The following LARGE1 variants were observed in gnomAD, a reference collection of about 807,000 sequenced individuals.
The protein encoded by LARGE1 is LARGE xylosyl- and glucuronyltransferase 1.
LARGE1 carries 43 observed loss-of-function variants against 87.6 expected under a neutral mutation model. The observed-to-expected ratio is 0.49, with a 90% CI of 0.38 to 0.63. The LOEUF is 0.63. Among genes scored for constraint, LARGE1 ranks in the 30% least tolerant of loss-of-function variants. The pLI, the probability that LARGE1 is intolerant of heterozygous loss-of-function variation, is 0.00. For missense variants in LARGE1, 802 were observed against 1,000.2 expected (o/e 0.80, Z 2.67); for synonymous variants, 434 against 394.6 (o/e 1.10, Z -1.18).
At chr22:33,626,699 C>G (rs2079933344) in intron 3 of LARGE1, among the ~76,000 whole-genome samples, 1 of 152,174 alleles carries the variant, frequency 6.6e-6, no homozygotes, top group Non-Finnish European at 1.5e-5. Flanking sequence ...AATCAGGGAT[C>G]TCAGACTAAG....
At chr22:33,272,004 C>T (rs906304897), downstream of LARGE1, among the ~76,000 whole-genome samples, 12 of 152,204 alleles carry the variant, frequency 7.9e-5, no homozygotes, top group African/African-American at 2.9e-4. Flanking sequence ...ACCTTTCATT[C>T]TCAGAAGTGA....
At chr22:33,393,339 A>T (rs2065599100) in intron 7 of LARGE1, among the ~76,000 whole-genome samples, 2 of 152,250 alleles carry the variant, frequency 1.3e-5, no homozygotes, top group South Asian at 4.1e-4. Flanking sequence ...GAAGTAGTAC[A>T]TAAAAGCTTA....
At chr22:33,687,128 C>A (rs1002879772) in intron 2 of LARGE1, among the ~76,000 whole-genome samples, 1 of 151,850 alleles carries the variant, frequency 6.6e-6, no homozygotes, top group African/African-American at 2.4e-5. Flanking sequence ...TGCTTGGCTT[C>A]CTGCTCCAAG....
intron 6 of LARGE1, among the ~76,000 whole-genome samples, chr22:33,476,032 A>T (rs1160226316): frequency 6.6e-6 from 1 of 152,236 alleles, no homozygotes; most frequent in African/African-American, 2.4e-5. Context: ...AGCTACAAAG[A>T]TTTTAAAAAG....
chr22:33,354,301 C>T (rs1940687931), intron 9 of LARGE1, among the ~76,000 whole-genome samples: 1 of 152,128 alleles, frequency 6.6e-6, no homozygotes, highest in African/African-American at 2.4e-5. Context: ...GCCCTCATTT[C>T]TATATACTTA....
chr22:33,818,429 G>A (rs764820070), intron 1 of LARGE1, among the ~76,000 whole-genome samples: 18 of 152,106 alleles, frequency 1.2e-4, no homozygotes, highest in Admixed American at 2.6e-4. Context: ...TAGGACAGGG[G>A]AAGGAAGGAA....
At chr22:33,289,179 C>T (rs567503004) in intron 12 of LARGE1, among the ~76,000 whole-genome samples, 1 of 152,106 alleles carries the variant, frequency 6.6e-6, no homozygotes, top group Non-Finnish European at 1.5e-5. Context: ...AGGATGGTCT[C>T]GATCTCCTGA....
At chr22:33,793,814 C>T (rs1029909825) in intron 1 of LARGE1, among the ~76,000 whole-genome samples, 1 of 151,732 alleles carries the variant, frequency 6.6e-6, no homozygotes, top group African/African-American at 2.4e-5. Context: ...AGAATCTGTC[C>T]TCTTATTGCC....
the LARGE1 span, among the ~76,000 whole-genome samples, chr22:33,127,703 A>T: frequency 6.6e-6 from 1 of 152,328 alleles, no homozygotes; most frequent in Non-Finnish European, 1.5e-5. Flanking sequence ...GGGATGGGTA[A>T]TAATAAGGAG....
intron 5 of LARGE1, among the ~76,000 whole-genome samples, chr22:33,597,754 G>A (rs746805651): frequency 1.6e-4 from 25 of 152,266 alleles, no homozygotes; most frequent in Non-Finnish European, 5.9e-5. Flanking sequence ...TCCTGAGCTC[G>A]GGATCACGCG....
chr22:33,300,791 C>T (rs1015572958), intron 12 of LARGE1, among the ~76,000 whole-genome samples: 6 of 152,266 alleles, frequency 3.9e-5, no homozygotes, highest in Admixed American at 1.3e-4. Flanking sequence ...TCACCGGCCT[C>T]GGCCTCCCAA....
In LARGE1 at chr22:33,761,556, T is replaced by C. The variant is rs2084731183; in HGVS notation, c.-80A>G. On this transcript the variant is annotated splice_region_variant and 5_prime_UTR_variant, in exon 2 of 15. Coordinates refer to ENST00000397394, the MANE Select transcript of LARGE1 (RefSeq NM_133642.5). ...AAGTCCTCGGCCTCCCTCATAATAC[T>C]CTCTGAAAGGAAGAGCAAAGAGGAA... 9 of 1,099,084 alleles carry C rather than the reference T, an allele frequency of 8.2e-6. No homozygotes were observed. In the South Asian group the frequency reaches 1.0e-4, roughly 12 times the overall value. 68.1% of individuals were successfully genotyped at this position (1,099,084 alleles called of 1,614,324 possible).
At chr22:33,420,057 C>T (rs1393081755) in intron 7 of LARGE1, among the ~76,000 whole-genome samples, 3 of 152,196 alleles carry the variant, frequency 2.0e-5, no homozygotes, top group Non-Finnish European at 4.4e-5. Flanking sequence ...CCTCTACCCA[C>T]TAAGTGCCCG....
the LARGE1 span, among the ~76,000 whole-genome samples, chr22:33,148,369 A>G: frequency 6.6e-6 from 1 of 152,206 alleles, no homozygotes; most frequent in African/African-American, 2.4e-5. Context: ...ACACAACACC[A>G]TGAACTTGAG....
intron 5 of LARGE1, among the ~76,000 whole-genome samples, chr22:33,576,902 TG>T (rs1444097435): frequency 1.3e-5 from 2 of 152,182 alleles, no homozygotes; most frequent in African/African-American, 4.8e-5. Context: ...TATCCATAAA[TG>T]TTCAGTTCAG....
intron 2 of LARGE1, among the ~76,000 whole-genome samples, chr22:33,742,024 A>G (rs1029388452): frequency 2.0e-5 from 3 of 152,158 alleles, no homozygotes; most frequent in Non-Finnish European, 2.9e-5. Flanking sequence ...TCATTTAACC[A>G]TTTGGGGCCT....
the LARGE1 span, among the ~76,000 whole-genome samples, chr22:33,114,826 T>C: frequency 6.6e-6 from 1 of 152,192 alleles, no homozygotes; most frequent in African/African-American, 2.4e-5. Flanking sequence ...TTAAGGCACT[T>C]AGAACAGAAT....
chr22:33,711,888 C>T (rs763884726), intron 2 of LARGE1, among the ~76,000 whole-genome samples: 16 of 152,198 alleles, frequency 1.1e-4, no homozygotes, highest in Admixed American at 4.6e-4. Flanking sequence ...CTTGAACTCC[C>T]GGCCTCAAGT....
chr22:33,566,229 T>C (rs1474763254), intron 5 of LARGE1, among the ~76,000 whole-genome samples: 1 of 152,184 alleles, frequency 6.6e-6, no homozygotes, highest in African/African-American at 2.4e-5. Flanking sequence ...AATGGAACAA[T>C]TAATTCAAAC....
Sources: gnomAD v4.1 joint callset for allele counts (sites outside exome capture counted in the v4.1 genomes callset) on GRCh38, gnomAD v4.1.1 for gene constraint, MANE v1.5 for transcripts, NCBI Gene and HGNC (gene_info 2026-07-23, HGNC 2026-07-21) for gene names.